Variants in KAT6B observed in about 807,000 individuals in gnomAD.
KAT6B encodes the protein histone acetyltransferase KAT6B.
A neutral mutation model predicts 187.5 loss-of-function variants in KAT6B; 10 were observed. The ratio of observed to expected loss-of-function variants is 0.05; its 90% CI spans 0.03 to 0.09. The LOEUF (loss-of-function observed/expected upper bound fraction) is 0.09. Ranked by LOEUF, KAT6B falls within the 10% of genes least tolerant of loss-of-function variation. KAT6B has a pLI of 1.00. For missense variants in KAT6B, 1,952 were observed against 2,558.9 expected, an observed-to-expected ratio of 0.76 and a Z score of 5.12; for synonymous variants, 861 against 926.8, an observed-to-expected ratio of 0.93 and a Z score of 1.29.
At chr10:74,849,814 C>T (rs554297867) in intron 3 of KAT6B, among the ~76,000 whole-genome samples, 5 of 152,214 alleles carry the variant, frequency 3.3e-5, no homozygotes, top group South Asian at 2.1e-4. Flanking sequence ...AAAAATGAGG[C>T]TGAAAGCTTA....
chr10:74,976,390 G>GA, intron 8 of KAT6B, 60 bp downstream of exon 8: 1 of 1,407,040 alleles, frequency 7.1e-7, no homozygotes, highest in Non-Finnish European at 9.9e-7. Flanking sequence ...CCCCAACCCT[G>GA]AAAAAAATCA....
chr10:74,949,495 A>G (rs1044913310), intron 3 of KAT6B, among the ~76,000 whole-genome samples: 1 of 152,256 alleles, frequency 6.6e-6, no homozygotes, highest in Non-Finnish European at 1.5e-5. Flanking sequence ...TAAATGCAGT[A>G]TGTAGGATTA....
intron 10 of KAT6B, among the ~76,000 whole-genome samples, chr10:74,979,556 A>G (rs1451914863): frequency 6.6e-6 from 1 of 151,970 alleles, no homozygotes; most frequent in Non-Finnish European, 1.5e-5. Context: ...TGGGCATTAT[A>G]AATTTTGCCA....
intron 3 of KAT6B, among the ~76,000 whole-genome samples, chr10:74,939,561 C>T (rs770420289): frequency 2.7e-4 from 41 of 152,000 alleles, no homozygotes; most frequent in African/African-American, 7.2e-4. Flanking sequence ...CCACCACGAC[C>T]GGCTAATTTT....
intron 8 of KAT6B, 45 bp downstream of exon 8, chr10:74,976,375 T>G (rs759840007): frequency 1.5e-4 from 221 of 1,509,844 alleles, no homozygotes; most frequent in Non-Finnish European, 1.8e-4. Context: ...GTCCCGTCCC[T>G]TTCTCCCCAA....
chr10:74,953,074 A>G (rs1403669729), intron 3 of KAT6B, among the ~76,000 whole-genome samples: 2 of 150,130 alleles, frequency 1.3e-5, no homozygotes, highest in Non-Finnish European at 3.0e-5. Context: ...TCTTTCTCCA[A>G]CATCTTTTTC....
chr10:74,916,981 T>C (rs2133003137), intron 3 of KAT6B, among the ~76,000 whole-genome samples: 1 of 152,288 alleles, frequency 6.6e-6, no homozygotes, highest in Middle Eastern at 3.4e-3. Context: ...GGTGCACACC[T>C]GCAGTCCCAG....
chr10:74,843,136 G>A lies in KAT6B; in HGVS notation c.279G>A (p.Lys93=). The A allele has an allele frequency of 1.2e-6, 2 of 1,614,244 alleles. No homozygotes were observed. The highest frequency in any genetic ancestry group is 1.7e-6 in the Non-Finnish European group (2 of 1,180,038). Residue 93 remains lysine (K), a synonymous_variant, in exon 3 of 18, where the codon AAG becomes AAA. Coordinates refer to ENST00000287239, the MANE Select transcript of KAT6B (RefSeq NM_012330.4). ...VKPGTFPKSA[K]GSRGSCNDLR... Reference sequence around the variant, plus strand: ...CAGGCACTTTTCCTAAGTCAGCCAAGGGGTCTAGAGGATCATGTAATGATC... The same window carrying A: ...CAGGCACTTTTCCTAAGTCAGCCAAAGGGTCTAGAGGATCATGTAATGATC...
At chr10:74,946,021 T>C (rs1185954086) in intron 3 of KAT6B, among the ~76,000 whole-genome samples, 1 of 152,220 alleles carries the variant, frequency 6.6e-6, no homozygotes, top group African/African-American at 2.4e-5. Flanking sequence ...ATTGGCATTG[T>C]GTTCTTAAAT....
chr10:74,988,895 C>T, intron 12 of KAT6B, 124 bp from the exon 13 acceptor site: 1 of 771,504 alleles, frequency 1.3e-6, no homozygotes, highest in East Asian at 2.5e-5. Context: ...GATTTTTCTG[C>T]TTGATCCTGA....
chr10:74,952,639 A>G (rs752917226), intron 3 of KAT6B, among the ~76,000 whole-genome samples: 1 of 151,914 alleles, frequency 6.6e-6, no homozygotes, highest in Non-Finnish European at 1.5e-5. Flanking sequence ...TAAACTTCAC[A>G]TTTCAGTACA....
At chr10:74,995,875 G>A (rs549840091) in intron 13 of KAT6B, among the ~76,000 whole-genome samples, 10 of 152,326 alleles carry the variant, frequency 6.6e-5, no homozygotes, top group African/African-American at 2.2e-4. Flanking sequence ...ACTCTGTTTG[G>A]CTAGGTAATA....
intron 3 of KAT6B, among the ~76,000 whole-genome samples, chr10:74,860,120 A>G (rs887972944): frequency 1.4e-4 from 21 of 152,298 alleles, no homozygotes; most frequent in African/African-American, 4.8e-4. Context: ...TTTGTTACAT[A>G]TATATACATG....
At position 74,985,235 on chromosome 10, in the gene KAT6B, C is replaced by G; in HGVS notation, c.2529C>G (p.Phe843Leu). Residue 843 changes from phenylalanine to leucine, a missense_variant, in exon 12 of 18, where the codon TTC (phenylalanine) becomes TTG (leucine). Transcript: ENST00000287239. Reference protein sequence around the residue: ...DEKGCHLVGYFSKEKLCQQKY... With the variant: ...DEKGCHLVGYLSKEKLCQQKY... ...AGGGCTGTCATCTGGTTGGATACTT[C>G]TCTAAGGTAAAACAAGAGCCAGCAT... 6.2e-7 allele frequency: 1 copy of G among 1,614,034 alleles called. No homozygotes were observed. Among genetic ancestry groups the G allele is most frequent in the Non-Finnish European group, 8.5e-7 (1 of 1,179,944 alleles).
intron 16 of KAT6B, among the ~76,000 whole-genome samples, chr10:75,024,462 G>T (rs1464012246): frequency 6.6e-6 from 1 of 152,178 alleles, no homozygotes; most frequent in African/African-American, 2.4e-5. Flanking sequence ...CCTATGGAAT[G>T]AGAAAAAGTA....
intron 3 of KAT6B, among the ~76,000 whole-genome samples, chr10:74,940,875 C>T (rs1849621811): frequency 6.6e-6 from 1 of 152,194 alleles, no homozygotes; most frequent in Non-Finnish European, 1.5e-5. Context: ...TCCTTAGACT[C>T]TTCTTAGCAT....
rs1239668554 is a variant in KAT6B, at chr10:75,025,008, C to T, written c.3423C>T (p.Asn1141=). 6.2e-7 allele frequency: 1 copy of T among 1,614,202 alleles called. No individual in the cohort carries two copies. Among genetic ancestry groups the T allele is most frequent in the East Asian group, 2.2e-5 (1 of 44,882 alleles). ...GGGGTCGTAAACGCAGGAGGATCAA[C>T]AGCAGTGTAACAACAGAGACCATTT... The part of the protein sequence containing the change: ...KKRGRKRRRI[N]SSVTTETISE... Residue 1141 remains asparagine (N), a synonymous_variant, in exon 17 of 18, where the codon AAC becomes AAT. Transcript: ENST00000287239.
intron 1 of KAT6B, among the ~76,000 whole-genome samples, chr10:74,834,418 A>C (rs1284023154): frequency 6.6e-6 from 1 of 151,900 alleles, no homozygotes; most frequent in Non-Finnish European, 1.5e-5. Context: ...GGATGGTCTC[A>C]ATCTCCTGAC....
At chr10:74,901,885 T>C (rs945007306) in intron 3 of KAT6B, among the ~76,000 whole-genome samples, 2 of 152,224 alleles carry the variant, frequency 1.3e-5, no homozygotes, top group East Asian at 1.9e-4. Context: ...TCATTTTGAT[T>C]AGGCTCATTT....
Sources: gnomAD v4.1 joint callset for allele counts (sites outside exome capture counted in the v4.1 genomes callset) on GRCh38, gnomAD v4.1.1 for gene constraint, MANE v1.5 for transcripts, NCBI Gene and HGNC (gene_info 2026-07-23, HGNC 2026-07-21) for gene names.